Variants in CDH13 observed in about 807,000 individuals in gnomAD.
CDH13 encodes cadherin 13, also known as cadherin-13.
CDH13 carries 24 observed loss-of-function variants against 63.8 expected under a neutral mutation model. The observed-to-expected ratio is 0.38, with a 90% confidence interval of 0.27 to 0.53. The LOEUF is 0.53. Among genes scored for constraint, CDH13 ranks in the 20% least tolerant of loss-of-function variants. CDH13 has a pLI of 0.85. For synonymous variants in CDH13, 503 were observed against 355.3 expected, an observed-to-expected ratio of 1.42 and a Z score of -4.67; for missense variants, 1,049 against 903.1, an observed-to-expected ratio of 1.16 and a Z score of -2.07.
intron 2 of CDH13, among the ~76,000 whole-genome samples, chr16:82,934,369 C>G (rs1041753481): frequency 6.6e-6 from 1 of 152,212 alleles, no homozygotes; most frequent in Non-Finnish European, 1.5e-5. Context: ...ACACAGAGCA[C>G]TAAGTCCTTA....
At position 83,406,658 on chromosome 16, in the gene CDH13, GT is replaced by G. The variant is rs1377694230; in HGVS notation, c.781+61655del. ...TTTTTGTATTTTTAGTAGAGATGGG[GT>G]TTCACCATATTGGTCAAGCTGGTCT... On this transcript the variant is annotated intron_variant, in intron 6 of 13. Transcript: ENST00000567109. Among the ~76,000 whole-genome samples the G allele has an allele frequency of 2.0e-5, 3 of 152,046 alleles. No individual in the cohort carries two copies. In the East Asian group the frequency reaches 5.8e-4, roughly 29 times the overall value.
At chr16:82,855,899 C>T (rs1470027196) in intron 1 of CDH13, among the ~76,000 whole-genome samples, 3 of 152,178 alleles carry the variant, frequency 2.0e-5, no homozygotes, top group Non-Finnish European at 4.4e-5. Flanking sequence ...GGTTCCACAG[C>T]TTCCAACCTT....
chr16:83,317,294 G>C (rs950821930), intron 5 of CDH13, among the ~76,000 whole-genome samples: 53 of 152,224 alleles, frequency 3.5e-4, no homozygotes, highest in African/African-American at 1.3e-3. Flanking sequence ...AGCAAGTTCT[G>C]TTGAAAGCCT....
At chr16:82,975,740 T>G (rs772567153) in intron 2 of CDH13, among the ~76,000 whole-genome samples, 70 of 152,348 alleles carry the variant, frequency 4.6e-4, no homozygotes, top group South Asian at 6.2e-4. Context: ...GAATAATGTA[T>G]TGCAATCAGT....
chr16:82,769,304 G>T (rs367958051), intron 1 of CDH13, among the ~76,000 whole-genome samples: 1 of 152,160 alleles, frequency 6.6e-6, no homozygotes, highest in Non-Finnish European at 1.5e-5. Context: ...CGTGGCAGAA[G>T]AATATTGACA....
chr16:82,648,001 A>C (rs1231219111), intron 1 of CDH13, among the ~76,000 whole-genome samples: 1 of 152,132 alleles, frequency 6.6e-6, no homozygotes, highest in Non-Finnish European at 1.5e-5. Context: ...GGGTTTCATA[A>C]GGGGCAGTTC....
intron 11 of CDH13, among the ~76,000 whole-genome samples, chr16:83,754,354 A>G (rs904709272): frequency 6.6e-6 from 1 of 152,188 alleles, no homozygotes; most frequent in African/African-American, 2.4e-5. Context: ...CAGACTTTCA[A>G]TCAAAATCCC....
At chr16:83,678,792 T>A (rs1915169939) in intron 10 of CDH13, among the ~76,000 whole-genome samples, 1 of 152,182 alleles carries the variant, frequency 6.6e-6, no homozygotes, top group South Asian at 2.1e-4. Context: ...ACCTCCTGCA[T>A]CTCAGAAACT....
At chr16:83,365,421 C>G (rs1270924507) in intron 6 of CDH13, among the ~76,000 whole-genome samples, 3 of 152,136 alleles carry the variant, frequency 2.0e-5, no homozygotes, top group African/African-American at 7.2e-5. Flanking sequence ...CCAGACATGC[C>G]CTTACATCCA....
intron 6 of CDH13, among the ~76,000 whole-genome samples, chr16:83,373,609 C>T (rs2091411240): frequency 6.6e-6 from 1 of 152,102 alleles, no homozygotes; most frequent in African/African-American, 2.4e-5. Flanking sequence ...GAGAGGCAGG[C>T]ATCATGCAAA....
chr16:83,560,468 A>G lies in CDH13; in HGVS notation c.961-41986A>G, dbSNP rs192561387. 2.0e-5 allele frequency among the ~76,000 whole-genome samples: 3 copies of G among 152,318 alleles called. No individual in the cohort carries two copies. The East Asian group carries it at 5.8e-4, about 29-fold the overall frequency. On this transcript the variant is annotated intron_variant, in intron 7 of 13. Transcript: ENST00000567109. ...TTACCACATATGCAGTGAATCTAAA[A>G]TGGTCAAACTCATGGAAGCTGCATG...
chr16:83,232,375 A>G (rs1384608842), intron 5 of CDH13, among the ~76,000 whole-genome samples: 1 of 151,966 alleles, frequency 6.6e-6, no homozygotes, highest in South Asian at 2.1e-4. Flanking sequence ...AAAAACAAAA[A>G]TTAGCCAGGC....
intron 6 of CDH13, among the ~76,000 whole-genome samples, chr16:83,407,696 TA>T (rs1449430728): frequency 6.6e-6 from 1 of 152,238 alleles, no homozygotes; most frequent in East Asian, 1.9e-4. Context: ...ATTTTTAATT[TA>T]ATTCCCAGGA....
chr16:83,344,515 C>G (rs1182521360), intron 5 of CDH13, among the ~76,000 whole-genome samples: 1 of 152,198 alleles, frequency 6.6e-6, no homozygotes, highest in East Asian at 1.9e-4. Context: ...CATAACATTC[C>G]TTTTAAGCAT....
At position 83,047,235 on chromosome 16, in the gene CDH13, G is replaced by GAATT. The variant is rs1555570563; in HGVS notation, c.366+15017_366+15018insAATT. Among the ~76,000 whole-genome samples the GAATT allele has an allele frequency of 6.6e-6, 1 of 151,748 alleles. No individual in the cohort carries two copies. Among genetic ancestry groups the GAATT allele is most frequent in the African/African-American group, 2.4e-5 (1 of 41,366 alleles). Reference sequence around the variant, plus strand: ...CCTCACTCTTACTCCAGAGGCCTGTGTATTTATTTATTTATTTATTTTTTT... The same window carrying GAATT: ...CCTCACTCTTACTCCAGAGGCCTGTGAATTTATTTATTTATTTATTTATTTTTTT... On this transcript the variant is annotated intron_variant, in intron 3 of 13. Transcript: ENST00000567109. This position sits in a 1 kb window ranked among gnomAD's most constrained non-coding sequence, Gnocchi z 4.9.
chr16:82,928,411 A>G (rs984513940), intron 2 of CDH13, among the ~76,000 whole-genome samples: 5 of 152,198 alleles, frequency 3.3e-5, no homozygotes, highest in African/African-American at 9.7e-5. Context: ...GATAGGCCCA[A>G]TTAAAATTTT....
chr16:82,793,695 T>C (rs762499163), intron 1 of CDH13, among the ~76,000 whole-genome samples: 4 of 152,070 alleles, frequency 2.6e-5, no homozygotes, highest in Non-Finnish European at 5.9e-5. Context: ...CTTCCTCTTG[T>C]CTGTGATGTA....
chr16:82,962,460 C>T (rs1907164869), intron 2 of CDH13, among the ~76,000 whole-genome samples: 1 of 152,182 alleles, frequency 6.6e-6, no homozygotes, highest in African/African-American at 2.4e-5. Context: ...TTTGGTATGG[C>T]AGCAATAGGA....
chr16:83,204,366 T>C (rs1344289582), intron 4 of CDH13, among the ~76,000 whole-genome samples: 2 of 152,232 alleles, frequency 1.3e-5, no homozygotes, highest in East Asian at 3.8e-4. Context: ...ATAGAATTGT[T>C]GTGCCTGTAA....
Sources: gnomAD v4.1 joint callset for allele counts (sites outside exome capture counted in the v4.1 genomes callset) on GRCh38, gnomAD v4.1.1 for gene constraint, Gnocchi (gnomAD v3.1) non-coding constraint, MANE v1.5 for transcripts, NCBI Gene and HGNC (gene_info 2026-07-23, HGNC 2026-07-21) for gene names.